Variants in EXOC2 observed in about 807,000 individuals in gnomAD.
EXOC2 encodes the protein SEC5-like 1.
In EXOC2, 70 loss-of-function variants were observed where a neutral mutation model predicts 131.8. The ratio of observed to expected loss-of-function variants is 0.53; its 90% CI spans 0.44 to 0.65. The LOEUF (loss-of-function observed/expected upper bound fraction) is 0.65. Ranked by LOEUF, EXOC2 falls within the 30% of genes least tolerant of loss-of-function variation. EXOC2 has a pLI of 0.00. For synonymous variants in EXOC2, 411 were observed against 398.4 expected, an observed-to-expected ratio of 1.03 and a Z score of -0.38; for missense variants, 923 against 1,108.6, an observed-to-expected ratio of 0.83 and a Z score of 2.38.
At chr6:635,913 T>A (rs1373281477) in intron 2 of EXOC2, among the ~76,000 whole-genome samples, 1 of 152,114 alleles carries the variant, frequency 6.6e-6, no homozygotes, top group African/African-American at 2.4e-5. Context: ...ATACAAAAAT[T>A]AGCTGGGTAT....
rs1354408747 is a variant in EXOC2 at position 686,047 on chromosome 6, C to T, written c.-44+6972G>A. Among the ~76,000 whole-genome samples, 4 of 150,944 alleles carry T rather than the reference C, an allele frequency of 2.6e-5. No individual in the cohort carries two copies. In the East Asian group the frequency reaches 5.9e-4, roughly 22 times the overall value. ...GTGCAGTGGGGCTCACTGCAACCTC[C>T]GACTCCTTGGTTCAAGCGATTCTCC... On this transcript the variant is annotated intron_variant, in intron 1 of 27. Transcript: ENST00000230449.
At chr6:489,878 GAGAA>G (rs1763320793) in intron 26 of EXOC2, among the ~76,000 whole-genome samples, 1 of 152,214 alleles carries the variant, frequency 6.6e-6, no homozygotes, top group South Asian at 2.1e-4. Flanking sequence ...CAGCAACAGA[GAGAA>G]AGACTGAAAA....
intron 1 of EXOC2, among the ~76,000 whole-genome samples, chr6:650,451 T>G (rs1246810899): frequency 6.6e-6 from 1 of 151,290 alleles, no homozygotes; most frequent in Non-Finnish European, 1.5e-5. Flanking sequence ...AACTAAAAAC[T>G]TTAATAATAG....
chr6:629,703 T>A (rs1404519927), intron 4 of EXOC2, 132 bp downstream of exon 4: 1 of 1,068,390 alleles, frequency 9.4e-7, no homozygotes, highest in African/African-American at 1.6e-5. Context: ...ATAACACCCA[T>A]CTCCAAACAA....
At chr6:517,969 G>C (rs1326486743) in intron 23 of EXOC2, among the ~76,000 whole-genome samples, 1 of 152,190 alleles carries the variant, frequency 6.6e-6, no homozygotes, top group African/African-American at 2.4e-5. Context: ...AGCACCAAAA[G>C]TGACTCAAGA....
intron 23 of EXOC2, among the ~76,000 whole-genome samples, chr6:531,802 C>T (rs1484560791): frequency 6.6e-6 from 1 of 152,186 alleles, no homozygotes; most frequent in Non-Finnish European, 1.5e-5. Context: ...TACAAAAGTG[C>T]CAACAGGCAG....
intron 1 of EXOC2, among the ~76,000 whole-genome samples, chr6:661,779 T>C (rs1264352132): frequency 2.6e-5 from 4 of 152,018 alleles, no homozygotes; most frequent in South Asian, 2.1e-4. Context: ...AAGAGCATGA[T>C]GAAAGCAATG....
At chr6:500,008 C>G (rs1436280644) in intron 23 of EXOC2, among the ~76,000 whole-genome samples, 1 of 152,110 alleles carries the variant, frequency 6.6e-6, no homozygotes, top group African/African-American at 2.4e-5. Flanking sequence ...TTCACGCACA[C>G]ACACACAGAG....
At chr6:497,782 CT>C (rs1763827211) in intron 24 of EXOC2, among the ~76,000 whole-genome samples, 1 of 152,164 alleles carries the variant, frequency 6.6e-6, no homozygotes, top group Non-Finnish European at 1.5e-5. Context: ...CCTCTTGCCC[CT>C]TTCACTGGAA....
chr6:574,945 C>A (rs1758495826), intron 12 of EXOC2, among the ~76,000 whole-genome samples: 1 of 152,258 alleles, frequency 6.6e-6, no homozygotes, highest in Non-Finnish European at 1.5e-5. Context: ...CCATGGCCAG[C>A]TGCGTCAAGG....
chr6:590,587 C>G (rs916879350), intron 11 of EXOC2, among the ~76,000 whole-genome samples: 34 of 152,238 alleles, frequency 2.2e-4, no homozygotes, highest in African/African-American at 8.2e-4. Flanking sequence ...GCTCAGGTCT[C>G]AGGCCCTGCA....
At chr6:544,354 T>G (rs1756716724) in intron 22 of EXOC2, among the ~76,000 whole-genome samples, 1 of 151,766 alleles carries the variant, frequency 6.6e-6, no homozygotes, top group South Asian at 2.1e-4. Flanking sequence ...TAAGTATGTA[T>G]GTTTATTCTT....
Position 485,836 on chromosome 6 carries a change from C to T in EXOC2, c.*835G>A, listed in dbSNP as rs946471534. ...GAGCGGGCAGGGAGTTGGCCGTCCACGCGGAGCCTGGCCTTTCCGTTAGGG... is the reference window on the plus strand; with the variant it reads ...GAGCGGGCAGGGAGTTGGCCGTCCATGCGGAGCCTGGCCTTTCCGTTAGGG... On this transcript the variant is annotated 3_prime_UTR_variant, in exon 28 of 28. Coordinates refer to ENST00000230449, the MANE Select transcript of EXOC2 (RefSeq NM_018303.6). 4.6e-5 allele frequency: 7 copies of T among 152,290 alleles called. No homozygotes were observed. Among genetic ancestry groups the T allele is most frequent in the South Asian group, 2.1e-4 (1 of 4,830 alleles). The allele number at this position is 152,290 out of a possible 1,614,324, so 9.4% of individuals were successfully genotyped here. A position where few individuals can be genotyped will look rare whatever the true frequency, so the allele number is the denominator to read the frequency against.
chr6:584,842 G>A (rs1357744382), intron 11 of EXOC2, among the ~76,000 whole-genome samples: 1 of 152,194 alleles, frequency 6.6e-6, no homozygotes, highest in Non-Finnish European at 1.5e-5. Context: ...TTCTCTATGA[G>A]TAGCCTGATG....
chr6:569,393 G>C (rs1448348754), intron 13 of EXOC2, among the ~76,000 whole-genome samples: 1 of 152,210 alleles, frequency 6.6e-6, no homozygotes, highest in Non-Finnish European at 1.5e-5. Context: ...TTGAAGAACT[G>C]ACTATTTTTT....
intron 11 of EXOC2, 110 bp from the exon 12 acceptor site, chr6:576,992 C>T: frequency 1.1e-6 from 1 of 894,192 alleles, no homozygotes; most frequent in Non-Finnish European, 1.7e-6. Context: ...AATTGCTCCA[C>T]TCTTAAATAA....
chr6:685,541 A>C (rs1202732139), intron 1 of EXOC2, among the ~76,000 whole-genome samples: 1 of 152,148 alleles, frequency 6.6e-6, no homozygotes, highest in Non-Finnish European at 1.5e-5. Flanking sequence ...CAGACTCCAC[A>C]CTTCCTGAGT....
chr6:640,636 G>A (rs1762311733), intron 1 of EXOC2, among the ~76,000 whole-genome samples: 1 of 152,142 alleles, frequency 6.6e-6, no homozygotes, highest in African/African-American at 2.4e-5. Flanking sequence ...CTTATTGGAA[G>A]AATTTGGACA....
Position 617,775 on chromosome 6 carries a change from C to T in EXOC2, c.597G>A (p.Glu199=), listed in dbSNP as rs766079465. Residue 199 remains glutamate (E), a synonymous_variant, in exon 6 of 28, where the codon GAG becomes GAA. Coordinates refer to ENST00000230449, the MANE Select transcript of EXOC2 (RefSeq NM_018303.6). ...NLKRQANKKS[E]GSLAYVKGGL... is the part of the protein sequence containing the mutation. ...CGCCTTTCACATAGGCCAGGCTGCC[C>T]TCACTCTTCTTGTTAGCCTGTCTCT... is the stretch of plus-strand genomic sequence containing the variant. 6 of 1,613,726 alleles carry T rather than the reference C, an allele frequency of 3.7e-6. No homozygotes were observed. In the East Asian group the frequency reaches 1.3e-4, roughly 36 times the overall value.
Sources: allele counts gnomAD v4.1 joint callset (sites outside exome capture counted in the v4.1 genomes callset), GRCh38; gene constraint gnomAD v4.1.1; transcripts MANE v1.5; gene names NCBI Gene and HGNC (gene_info 2026-07-23, HGNC 2026-07-21).